NEGR1: variants seen among roughly 807,000 people sequenced by gnomAD.
NEGR1 encodes IgLON family member 4.
In NEGR1, 10 loss-of-function variants were observed where a neutral mutation model predicts 40.9. That is an observed-to-expected ratio of 0.24 (90% CI 0.15 to 0.42). NEGR1 has a LOEUF of 0.42. Ranked by LOEUF, NEGR1 falls within the 10% of genes least tolerant of loss-of-function variation. The pLI is 1.00. For missense variants in NEGR1, 352 were observed against 438.9 expected (o/e 0.80, Z 1.77); for synonymous variants, 185 against 166.8 (o/e 1.11, Z -0.84).
intron 6 of NEGR1, among the ~76,000 whole-genome samples, chr1:71,478,657 G>A (rs923574151): frequency 6.6e-6 from 1 of 151,922 alleles, no homozygotes; most frequent in East Asian, 1.9e-4. Context: ...ACTAAATTTA[G>A]GTCACAGAAT....
At chr1:72,278,014 G>C (rs1656117770) in intron 1 of NEGR1, among the ~76,000 whole-genome samples, 1 of 152,068 alleles carries the variant, frequency 6.6e-6, no homozygotes, top group Non-Finnish European at 1.5e-5. Context: ...GGCAAATGTT[G>C]TGAACAAATA....
intron 1 of NEGR1, among the ~76,000 whole-genome samples, chr1:71,989,227 A>G (rs1001334723): frequency 6.6e-6 from 1 of 152,192 alleles, no homozygotes; most frequent in Non-Finnish European, 1.5e-5. Flanking sequence ...CACAGAGGTG[A>G]TATGACTCCC....
intron 2 of NEGR1, among the ~76,000 whole-genome samples, chr1:71,777,315 C>A (rs750115148): frequency 3.9e-5 from 6 of 152,154 alleles, no homozygotes; most frequent in Admixed American, 3.9e-4. Context: ...CTAAGTAAGT[C>A]ACTACATGTT....
At chr1:71,663,472 A>C (rs1652138677) in intron 4 of NEGR1, among the ~76,000 whole-genome samples, 1 of 152,170 alleles carries the variant, frequency 6.6e-6, no homozygotes, top group Non-Finnish European at 1.5e-5. Flanking sequence ...AGATATTCTT[A>C]ATTACAAAAG....
chr1:71,934,147 T>C (rs1470514656), intron 2 of NEGR1, among the ~76,000 whole-genome samples: 2 of 152,128 alleles, frequency 1.3e-5, no homozygotes, highest in Non-Finnish European at 2.9e-5. Flanking sequence ...ACTTCAGTTT[T>C]AGTTCCACAG....
chr1:71,836,480 GTA>G (rs10668432), intron 2 of NEGR1, among the ~76,000 whole-genome samples: 12,395 of 144,458 alleles, frequency 0.086, 674 homozygotes, highest in African/African-American at 0.15. Flanking sequence ...ATATATATGT[GTA>G]TATATATATA....
intron 4 of NEGR1, among the ~76,000 whole-genome samples, chr1:71,654,753 A>C (rs994258458): frequency 9.9e-5 from 15 of 152,214 alleles, no homozygotes; most frequent in Non-Finnish European, 2.1e-4. Flanking sequence ...ACTTTTTAAA[A>C]CAAGTGGATA....
At chr1:71,962,491 G>T (rs773253927) in intron 1 of NEGR1, among the ~76,000 whole-genome samples, 7 of 151,922 alleles carry the variant, frequency 4.6e-5, no homozygotes, top group Admixed American at 4.6e-4. Flanking sequence ...ATGGTCAGTG[G>T]TCAGATTGTG....
At chr1:71,607,925 G>C (rs1650121552) in intron 5 of NEGR1, among the ~76,000 whole-genome samples, 1 of 152,122 alleles carries the variant, frequency 6.6e-6, no homozygotes, top group Non-Finnish European at 1.5e-5. Flanking sequence ...TTGACCTTGT[G>C]ATCCACCCGT....
At chr1:71,419,519 A>G (rs1349493154) in intron 6 of NEGR1, among the ~76,000 whole-genome samples, 1 of 152,212 alleles carries the variant, frequency 6.6e-6, no homozygotes, top group Non-Finnish European at 1.5e-5. Flanking sequence ...ACAACAACAA[A>G]AAACCCAGGT....
At chr1:71,951,566 T>C (rs1229002618) in intron 1 of NEGR1, among the ~76,000 whole-genome samples, 3 of 151,986 alleles carry the variant, frequency 2.0e-5, no homozygotes, top group Non-Finnish European at 2.9e-5. Flanking sequence ...GTTCTGGCCA[T>C]GCAAGTAGAC....
intron 5 of NEGR1, among the ~76,000 whole-genome samples, chr1:71,603,352 A>C (rs1444189573): frequency 6.6e-6 from 1 of 152,256 alleles, no homozygotes; most frequent in Non-Finnish European, 1.5e-5. Flanking sequence ...AAAGAGAAAC[A>C]GAATGTACTT....
intron 6 of NEGR1, among the ~76,000 whole-genome samples, chr1:71,503,380 G>A (rs895878438): frequency 1.2e-4 from 18 of 152,042 alleles, no homozygotes; most frequent in Non-Finnish European, 5.9e-5. Flanking sequence ...CTCACCCAGC[G>A]AAAAGCCCTG....
At chr1:71,559,242 T>C (rs1648363087) in intron 6 of NEGR1, among the ~76,000 whole-genome samples, 2 of 151,348 alleles carry the variant, frequency 1.3e-5, no homozygotes, top group Admixed American at 1.3e-4. Context: ...CTAGTATACA[T>C]GTAATATTAG....
intron 3 of NEGR1, among the ~76,000 whole-genome samples, chr1:71,743,242 CA>C (rs1295449117): frequency 6.6e-6 from 1 of 151,504 alleles, no homozygotes; most frequent in Admixed American, 6.6e-5. Context: ...TATGGAGGAT[CA>C]AAAAAATGTA....
At chr1:72,104,093 C>T (rs1050889727) in intron 1 of NEGR1, among the ~76,000 whole-genome samples, 26 of 147,158 alleles carry the variant, frequency 1.8e-4, no homozygotes, top group Admixed American at 1.4e-3. Context: ...TTGTTTTTTT[C>T]CATGGAGAAC....
intron 2 of NEGR1, among the ~76,000 whole-genome samples, chr1:71,845,477 A>G (rs1327789029): frequency 6.6e-6 from 1 of 152,160 alleles, no homozygotes; most frequent in East Asian, 1.9e-4. Context: ...AGGCTGCCCC[A>G]ATTTCTTCAC....
intron 4 of NEGR1, among the ~76,000 whole-genome samples, chr1:71,614,682 T>G (rs1056406291): frequency 2.0e-5 from 3 of 152,230 alleles, no homozygotes; most frequent in African/African-American, 4.8e-5. Flanking sequence ...GTTAGTTTAA[T>G]TACTCTCTTG....
chr1:71,574,915 G>T (rs1335222), intron 6 of NEGR1, among the ~76,000 whole-genome samples: 1 of 152,088 alleles, frequency 6.6e-6, no homozygotes, highest in African/African-American at 2.4e-5. Context: ...ATAATTCTTA[G>T]GTCCCTATTC....
Sources: allele counts gnomAD v4.1 joint callset (sites outside exome capture counted in the v4.1 genomes callset), GRCh38; gene constraint gnomAD v4.1.1; transcripts MANE v1.5; gene names NCBI Gene and HGNC (gene_info 2026-07-23, HGNC 2026-07-21).